Variants in MAGI1 observed in about 807,000 individuals in gnomAD.
MAGI1 encodes the protein membrane-associated guanylate kinase, WW and PDZ domain-containing protein 1.
In MAGI1, 58 loss-of-function variants were observed where a neutral mutation model predicts 139.9. The ratio of observed to expected loss-of-function variants is 0.41; its 90% confidence interval spans 0.34 to 0.52. MAGI1 has a LOEUF of 0.52. Ranked by LOEUF, MAGI1 falls within the 20% of genes least tolerant of loss-of-function variation. The pLI is 0.12. For missense variants in MAGI1, 1,874 were observed against 1,901.6 expected (o/e 0.99, Z 0.27); for synonymous variants, 812 against 737.9 (o/e 1.10, Z -1.63).
intron 12 of MAGI1, among the ~76,000 whole-genome samples, chr3:65,423,380 ACG>A (rs897407068): frequency 6.6e-6 from 1 of 150,448 alleles, no homozygotes; most frequent in African/African-American, 2.4e-5. Flanking sequence ...GCGTGCACAC[ACG>A]CGCACACACA....
chr3:65,886,106 T>C (rs1199327909), intron 1 of MAGI1, among the ~76,000 whole-genome samples: 1 of 152,238 alleles, frequency 6.6e-6, no homozygotes, highest in Non-Finnish European at 1.5e-5. Flanking sequence ...AGTTTAGAAC[T>C]GTAATGGGCC....
intron 1 of MAGI1, among the ~76,000 whole-genome samples, chr3:65,735,265 A>T (rs1451782728): frequency 6.6e-6 from 1 of 152,112 alleles, no homozygotes; most frequent in Non-Finnish European, 1.5e-5. Flanking sequence ...AAGTGTTCTA[A>T]TAATAGACAA....
chr3:65,884,578 A>T (rs1182989276), intron 1 of MAGI1, among the ~76,000 whole-genome samples: 1 of 152,216 alleles, frequency 6.6e-6, no homozygotes, highest in Non-Finnish European at 1.5e-5. Context: ...TATCAAATGA[A>T]CAAAGATTTT....
chr3:65,609,784 C>T (rs1234456592), intron 2 of MAGI1: 1 of 343,856 alleles, frequency 2.9e-6, no homozygotes, highest in African/African-American at 2.1e-5. Flanking sequence ...CCAATGTTGC[C>T]CAGGCTGGTC....
At chr3:65,972,603 T>A (rs992710595) in intron 1 of MAGI1, among the ~76,000 whole-genome samples, 8 of 152,214 alleles carry the variant, frequency 5.3e-5, no homozygotes, top group African/African-American at 1.4e-4. Context: ...AAATATCATG[T>A]ATTTTTGCTA....
chr3:65,396,102 A>T (rs1944376049), intron 13 of MAGI1, among the ~76,000 whole-genome samples: 1 of 152,104 alleles, frequency 6.6e-6, no homozygotes, highest in African/African-American at 2.4e-5. Flanking sequence ...GATGGAGGGG[A>T]CAGGAGAGAA....
At chr3:65,506,069 G>C (rs2077273824) in intron 2 of MAGI1, among the ~76,000 whole-genome samples, 2 of 152,106 alleles carry the variant, frequency 1.3e-5, no homozygotes, top group African/African-American at 4.8e-5. Context: ...AAAAATTGCA[G>C]GGATCTAAAG....
At chr3:65,905,170 C>G (rs1201185691) in intron 1 of MAGI1, among the ~76,000 whole-genome samples, 1 of 152,134 alleles carries the variant, frequency 6.6e-6, no homozygotes, top group Non-Finnish European at 1.5e-5. Context: ...ATATGATATT[C>G]AGCTAGGGTT....
intron 1 of MAGI1, among the ~76,000 whole-genome samples, chr3:65,696,453 A>G (rs1179462807): frequency 5.3e-5 from 8 of 152,122 alleles, no homozygotes; most frequent in African/African-American, 9.7e-5. Context: ...GGCATCTCTA[A>G]CACTTAGAAC....
intron 1 of MAGI1, among the ~76,000 whole-genome samples, chr3:65,957,763 T>TTGG (rs2064207895): frequency 6.6e-6 from 1 of 151,960 alleles, no homozygotes; most frequent in African/African-American, 2.4e-5. Context: ...TTTGTTGTTG[T>TTGG]TGTTGTTGTT....
At chr3:65,936,884 A>T (rs1432194493) in intron 1 of MAGI1, among the ~76,000 whole-genome samples, 1 of 151,178 alleles carries the variant, frequency 6.6e-6, no homozygotes, top group Admixed American at 6.6e-5. Context: ...GGTGTGCGCC[A>T]CTGAGCTCAG....
intron 1 of MAGI1, among the ~76,000 whole-genome samples, chr3:65,868,947 C>T (rs1162646950): frequency 6.6e-6 from 1 of 152,072 alleles, no homozygotes; most frequent in Non-Finnish European, 1.5e-5. Context: ...TTTCCTTTGC[C>T]CATAGCCCCT....
At chr3:65,431,763 G>C (rs932324269) in intron 10 of MAGI1, among the ~76,000 whole-genome samples, 3 of 151,856 alleles carry the variant, frequency 2.0e-5, no homozygotes, top group Admixed American at 1.3e-4. Context: ...GAGTCAGGTG[G>C]AGCACTGAGG....
At chr3:65,612,478 T>C (rs1159642805) in intron 2 of MAGI1, among the ~76,000 whole-genome samples, 3 of 152,148 alleles carry the variant, frequency 2.0e-5, no homozygotes, top group Non-Finnish European at 4.4e-5. Context: ...AAAATAATGA[T>C]GTGTTATTGG....
At chr3:65,800,648 AC>A (rs1382960214) in intron 1 of MAGI1, among the ~76,000 whole-genome samples, 1 of 151,678 alleles carries the variant, frequency 6.6e-6, no homozygotes, top group African/African-American at 2.4e-5. Flanking sequence ...TAAAAAAAAA[AC>A]TGATGTAAGA....
At chr3:65,466,921 G>C (rs1247497217) in intron 5 of MAGI1, among the ~76,000 whole-genome samples, 1 of 152,226 alleles carries the variant, frequency 6.6e-6, no homozygotes, top group Non-Finnish European at 1.5e-5. Context: ...TGCTGGAGTA[G>C]AATGGTTGTT....
chr3:65,755,095 G>A (rs527844803), intron 1 of MAGI1, among the ~76,000 whole-genome samples: 15 of 151,892 alleles, frequency 9.9e-5, no homozygotes, highest in African/African-American at 2.9e-4. Flanking sequence ...TTACAGGCGC[G>A]TGCCACGAGG....
chr3:65,998,363 G>A (rs139166955), intron 1 of MAGI1, among the ~76,000 whole-genome samples: 173 of 152,250 alleles, frequency 1.1e-3, no homozygotes, highest in Non-Finnish European at 2.0e-3. Flanking sequence ...ACACAGTTTA[G>A]GGTAGTTTGT....
intron 2 of MAGI1, among the ~76,000 whole-genome samples, chr3:65,499,914 A>T (rs1559611529): frequency 6.6e-6 from 1 of 152,200 alleles, no homozygotes; most frequent in Non-Finnish European, 1.5e-5. Flanking sequence ...TGGTATCAAT[A>T]GGCAGGTAAC....
Sources: gnomAD v4.1 joint callset for allele counts (sites outside exome capture counted in the v4.1 genomes callset) on GRCh38, gnomAD v4.1.1 for gene constraint, MANE v1.5 for transcripts, NCBI Gene and HGNC (gene_info 2026-07-23, HGNC 2026-07-21) for gene names.